IKBKB-DT: variants seen among roughly 807,000 people sequenced by gnomAD.
IKBKB-DT encodes IKBKB divergent transcript, also known as IKBKB antisense RNA.
chr8:42,246,480 A>G (rs1230151517), intron 3 of IKBKB-DT, among the ~76,000 whole-genome samples: 1 of 152,220 alleles, frequency 6.6e-6, no homozygotes, highest in Non-Finnish European at 1.5e-5. Flanking sequence ...GCACTTTAAA[A>G]ATATCAAAAT....
At chr8:42,246,247 C>T (rs988432639) in intron 3 of IKBKB-DT, among the ~76,000 whole-genome samples, 11 of 152,066 alleles carry the variant, frequency 7.2e-5, no homozygotes, top group Admixed American at 7.2e-4. Context: ...AGGGTGGTCT[C>T]AAACTCCTGA....
At chr8:42,248,271 G>T (rs1426484800) in intron 3 of IKBKB-DT, among the ~76,000 whole-genome samples, 1 of 152,008 alleles carries the variant, frequency 6.6e-6, no homozygotes, top group Non-Finnish European at 1.5e-5. Context: ...GGTAATGCTC[G>T]CTTGCCCACC....
chr8:42,263,700 T>C (rs998062471), intron 2 of IKBKB-DT, among the ~76,000 whole-genome samples: 1 of 152,210 alleles, frequency 6.6e-6, no homozygotes, highest in Non-Finnish European at 1.5e-5. Flanking sequence ...CTAAGGTTTG[T>C]AGTGCAGATT....
chr8:42,234,580 G>T (rs1370567667), intron 3 of IKBKB-DT, among the ~76,000 whole-genome samples: 1 of 152,098 alleles, frequency 6.6e-6, no homozygotes, highest in African/African-American at 2.4e-5. Context: ...CATGGACCAA[G>T]CTAACTTTGG....
At chr8:42,255,390 A>G (rs1364298023) in intron 3 of IKBKB-DT, 1 of 152,244 alleles carries the variant, frequency 6.6e-6, no homozygotes, top group East Asian at 1.9e-4. Flanking sequence ...TCTCAAGAAT[A>G]CAAAGAGAAC....
At chr8:42,244,059 G>C (rs1281643865) in intron 3 of IKBKB-DT, among the ~76,000 whole-genome samples, 1 of 152,150 alleles carries the variant, frequency 6.6e-6, no homozygotes, top group Non-Finnish European at 1.5e-5. Context: ...TTATCCTTGG[G>C]ATAACTGTTT....
intron 3 of IKBKB-DT, among the ~76,000 whole-genome samples, chr8:42,261,430 C>G (rs1377543672): frequency 6.6e-6 from 1 of 152,136 alleles, no homozygotes; most frequent in South Asian, 2.1e-4. Context: ...TCCCTCTCCC[C>G]CTTGAGTGAA....
chr8:42,247,099 A>T (rs1807073938), intron 3 of IKBKB-DT, among the ~76,000 whole-genome samples: 1 of 152,162 alleles, frequency 6.6e-6, no homozygotes, highest in Non-Finnish European at 1.5e-5. Flanking sequence ...GACAGCTTGC[A>T]TCGTGTGCCT....
exon 2 of IKBKB-DT, chr8:42,266,240 T>G (rs978041977): frequency 1.3e-5 from 2 of 152,590 alleles, no homozygotes; most frequent in African/African-American, 4.8e-5. Context: ...GAGCTGACTA[T>G]GGGGGCTGGG....
chr8:42,270,452 A>T (rs1424347379), intron 1 of IKBKB-DT: 2 of 152,418 alleles, frequency 1.3e-5, no homozygotes, highest in East Asian at 1.9e-4. Context: ...AGATAATAAT[A>T]ATAATGATGA....
chr8:42,247,534 T>A (rs969785207), intron 3 of IKBKB-DT, among the ~76,000 whole-genome samples: 13 of 152,160 alleles, frequency 8.5e-5, no homozygotes, highest in South Asian at 8.3e-4. Context: ...AGGGAAGACA[T>A]GATTGGTTTT....
chr8:42,245,779 T>A (rs1807055868), intron 3 of IKBKB-DT, among the ~76,000 whole-genome samples: 1 of 152,198 alleles, frequency 6.6e-6, no homozygotes, highest in African/African-American at 2.4e-5. Flanking sequence ...CAAGAACTAT[T>A]ACAATATTTA....
chr8:42,257,817 C>T (rs527566411), intron 3 of IKBKB-DT, among the ~76,000 whole-genome samples: 5 of 151,764 alleles, frequency 3.3e-5, no homozygotes, highest in Non-Finnish European at 5.9e-5. Flanking sequence ...AGTCAAAAGA[C>T]TAAATTTTTT....
At chr8:42,262,901 G>T (rs1807310681) in intron 3 of IKBKB-DT, among the ~76,000 whole-genome samples, 1 of 151,986 alleles carries the variant, frequency 6.6e-6, no homozygotes, top group South Asian at 2.1e-4. Context: ...ACCATGCCTG[G>T]CTAAATTTTT....
intron 3 of IKBKB-DT, among the ~76,000 whole-genome samples, chr8:42,255,109 C>G (rs56953166): frequency 0.054 from 8,120 of 151,530 alleles, 684 homozygotes; most frequent in African/African-American, 0.18. Context: ...AAGTGAGGAG[C>G]ACCTCTGCCC....
intron 3 of IKBKB-DT, among the ~76,000 whole-genome samples, chr8:42,239,377 G>A (rs769937501): frequency 6.6e-6 from 1 of 151,456 alleles, no homozygotes; most frequent in Non-Finnish European, 1.5e-5. Context: ...CCATTCCTCA[G>A]GTGGCCTGGC....
intron 3 of IKBKB-DT, chr8:42,249,503 A>G (rs1012645153): frequency 1.3e-5 from 2 of 152,028 alleles, no homozygotes; most frequent in Non-Finnish European, 2.9e-5. Context: ...CCAATAAACT[A>G]CAAGACTTTT....
At chr8:42,269,702 T>C (rs940340550) in intron 1 of IKBKB-DT, among the ~76,000 whole-genome samples, 9 of 151,928 alleles carry the variant, frequency 5.9e-5, no homozygotes, top group Non-Finnish European at 1.3e-4. Context: ...GCAGCCAGCG[T>C]GCCTAGCACA....
chr8:42,247,148 G>A (rs557720530), intron 3 of IKBKB-DT, among the ~76,000 whole-genome samples: 49 of 152,320 alleles, frequency 3.2e-4, no homozygotes, highest in African/African-American at 1.1e-3. Context: ...CTCAATGCCT[G>A]CTTGTGAAAG....
Sources: allele counts gnomAD v4.1 joint callset (sites outside exome capture counted in the v4.1 genomes callset), GRCh38; gene constraint gnomAD v4.1.1; transcripts MANE v1.5; gene names NCBI Gene and HGNC (gene_info 2026-07-23, HGNC 2026-07-21).